Variants in MTUS2 observed in about 807,000 individuals in gnomAD.
MTUS2 encodes the protein microtubule associated scaffold protein 2.
A neutral mutation model predicts 114.1 loss-of-function variants in MTUS2; 40 were observed. The observed-to-expected ratio is 0.35, with a 90% CI of 0.27 to 0.46. The LOEUF (loss-of-function observed/expected upper bound fraction) is 0.46. Ranked by LOEUF, MTUS2 falls within the 20% of genes least tolerant of loss-of-function variation. MTUS2 has a pLI of 1.00. For missense variants in MTUS2, 1,679 were observed against 1,705.4 expected, an observed-to-expected ratio of 0.98 and a Z score of 0.27; for synonymous variants, 688 against 672.0, an observed-to-expected ratio of 1.02 and a Z score of -0.37.
chr13:29,472,355 C>T (rs773120714), intron 9 of MTUS2, among the ~76,000 whole-genome samples: 9 of 152,094 alleles, frequency 5.9e-5, no homozygotes, highest in Non-Finnish European at 1.2e-4. Context: ...CATTTTCAGC[C>T]GTTCCTTTCT....
chr13:29,091,163 A>G (rs1018575112), intron 4 of MTUS2, among the ~76,000 whole-genome samples: 2 of 151,768 alleles, frequency 1.3e-5, no homozygotes, highest in African/African-American at 4.8e-5. Context: ...GGAATATGGC[A>G]GTCTACTCAA....
intron 5 of MTUS2, among the ~76,000 whole-genome samples, chr13:29,198,124 T>C (rs998894983): frequency 6.6e-6 from 1 of 152,242 alleles, no homozygotes; most frequent in Non-Finnish European, 1.5e-5. Flanking sequence ...TTTGGTGTTT[T>C]AGTCATGAAG....
At chr13:29,011,194 T>C (rs934841492) in intron 2 of MTUS2, among the ~76,000 whole-genome samples, 1 of 152,248 alleles carries the variant, frequency 6.6e-6, no homozygotes, top group Admixed American at 6.5e-5. Flanking sequence ...AGTGAATTTC[T>C]AAAGCGATTT....
chr13:29,094,064 A>G (rs1159090351), intron 4 of MTUS2, among the ~76,000 whole-genome samples: 1 of 152,122 alleles, frequency 6.6e-6, no homozygotes, highest in Admixed American at 6.5e-5. Context: ...ATATCACTTG[A>G]TCATGGTATA....
intron 2 of MTUS2, among the ~76,000 whole-genome samples, chr13:28,840,521 C>T (rs768302207): frequency 6.6e-6 from 1 of 152,188 alleles, no homozygotes; most frequent in Non-Finnish European, 1.5e-5. Flanking sequence ...ATTTTATTGC[C>T]ATGTGCTGGA....
Position 29,093,384 on chromosome 13 carries a change from A to G in MTUS2, c.2447-7389A>G, listed in dbSNP as rs535539619. Among the ~76,000 whole-genome samples, 256 of 152,288 alleles carry G rather than the reference A, an allele frequency of 1.7e-3. 1 individual carries two copies. The highest frequency in any genetic ancestry group is 6.0e-3 in the African/African-American group (248 of 41,552). ...CTTGAACCTAGGAGGTGGAAGTTGC[A>G]GTGAGCCGAGATCATGCCACTGCTC... On this transcript the variant is annotated intron_variant, in intron 4 of 15. Transcript: ENST00000612955.
intron 5 of MTUS2, among the ~76,000 whole-genome samples, chr13:29,228,232 G>A (rs911231693): frequency 2.0e-5 from 3 of 152,226 alleles, no homozygotes; most frequent in African/African-American, 7.2e-5. Flanking sequence ...GTGGAATACT[G>A]TACAGACATT....
intron 2 of MTUS2, among the ~76,000 whole-genome samples, chr13:28,954,136 AAG>A (rs1471875399): frequency 7.2e-5 from 11 of 152,240 alleles, no homozygotes; most frequent in African/African-American, 2.7e-4. Flanking sequence ...CAGGGGAAAA[AAG>A]AATTTGCAGA....
At chr13:29,319,426 G>C (rs544514201) in intron 6 of MTUS2, among the ~76,000 whole-genome samples, 1 of 152,140 alleles carries the variant, frequency 6.6e-6, no homozygotes, top group Non-Finnish European at 1.5e-5. Flanking sequence ...CCCCACATGG[G>C]AACAAAGATG....
chr13:28,862,830 C>T (rs1381100307), intron 2 of MTUS2, among the ~76,000 whole-genome samples: 3 of 151,990 alleles, frequency 2.0e-5, no homozygotes, highest in Non-Finnish European at 4.4e-5. Context: ...ATTTTATATA[C>T]AAAATGACTT....
rs769724520 is a variant in MTUS2, at chr13:29,024,620, T to C, written c.-79T>C. ...AACAAGCAGCTTGAGAATTTCCTCTTAATCTGATTGCAGCTTGAAGGCAGC... is the reference window on the plus strand; with the variant it reads ...AACAAGCAGCTTGAGAATTTCCTCTCAATCTGATTGCAGCTTGAAGGCAGC... On this transcript the variant is annotated 5_prime_UTR_variant, in exon 3 of 16. Transcript: ENST00000612955. 1.3e-6 allele frequency: 2 copies of C among 1,527,678 alleles called. No homozygotes were observed. The highest frequency in any genetic ancestry group is 4.5e-5 in the East Asian group (2 of 44,408). The allele number at this position is 1,527,678 out of a possible 1,614,324, so 94.6% of individuals were successfully genotyped here. A position where few individuals can be genotyped will look rare whatever the true frequency, so the allele number is the denominator to read the frequency against.
intron 5 of MTUS2, among the ~76,000 whole-genome samples, chr13:29,137,288 T>C (rs1165993672): frequency 6.6e-6 from 1 of 152,192 alleles, no homozygotes; most frequent in African/African-American, 2.4e-5. Flanking sequence ...TATCTCTGTC[T>C]TTTAACAGTT....
chr13:28,979,982 T>A (rs775231730), intron 2 of MTUS2, among the ~76,000 whole-genome samples: 10 of 152,202 alleles, frequency 6.6e-5, no homozygotes, highest in Non-Finnish European at 1.5e-4. Context: ...AGGTACTCTC[T>A]TGCTTTTGGG....
chr13:28,893,706 A>G (rs1263235739), intron 2 of MTUS2, among the ~76,000 whole-genome samples: 1 of 152,202 alleles, frequency 6.6e-6, no homozygotes, highest in Non-Finnish European at 1.5e-5. Context: ...ATCAGAAGCA[A>G]CATTGAGATA....
At chr13:29,408,000 A>G (rs990183143) in intron 8 of MTUS2, among the ~76,000 whole-genome samples, 2 of 152,050 alleles carry the variant, frequency 1.3e-5, no homozygotes, top group East Asian at 3.9e-4. Flanking sequence ...TTGCTTTTTC[A>G]TATCCTTTGT....
chr13:28,930,462 G>A (rs1237015973), intron 2 of MTUS2, among the ~76,000 whole-genome samples: 1 of 152,164 alleles, frequency 6.6e-6, no homozygotes, highest in Non-Finnish European at 1.5e-5. Context: ...GCCAGGCATT[G>A]GTCCTCCATA....
chr13:29,242,244 C>G (rs1218568427), intron 5 of MTUS2, among the ~76,000 whole-genome samples: 1 of 152,068 alleles, frequency 6.6e-6, no homozygotes, highest in African/African-American at 2.4e-5. Flanking sequence ...ATGGTTAATC[C>G]CTATTTCTAT....
chr13:29,423,918 G>A (rs2138607019), intron 8 of MTUS2, among the ~76,000 whole-genome samples: 1 of 151,082 alleles, frequency 6.6e-6, no homozygotes, highest in South Asian at 2.1e-4. Context: ...AGGCTACAAT[G>A]CAGTGACACG....
In MTUS2 at chr13:29,205,650, A is replaced by C. The variant is rs1895153774; in HGVS notation, c.2645-76054A>C. Reference sequence around the variant, plus strand: ...GCTTAACTCCCACTTATGAGTGAGAACATGCAATGTTTAGTTTTCCATTTC... The same window carrying C: ...GCTTAACTCCCACTTATGAGTGAGACCATGCAATGTTTAGTTTTCCATTTC... On this transcript the variant is annotated intron_variant, in intron 5 of 15. Coordinates refer to ENST00000612955, the MANE Select transcript of MTUS2 (RefSeq NM_001033602.4). Among the ~76,000 whole-genome samples the C allele has an allele frequency of 2.0e-5, 3 of 152,378 alleles. 1 individual carries two copies. The highest frequency in any genetic ancestry group is 7.2e-5 in the African/African-American group (3 of 41,602).
Sources: gnomAD v4.1 joint callset for allele counts (sites outside exome capture counted in the v4.1 genomes callset) on GRCh38, gnomAD v4.1.1 for gene constraint, MANE v1.5 for transcripts, NCBI Gene and HGNC (gene_info 2026-07-23, HGNC 2026-07-21) for gene names.